Variants in CEP170 observed in about 807,000 individuals in gnomAD.
CEP170 encodes the protein centrosomal protein 170.
Under a neutral mutation model 151.9 loss-of-function variants are expected in CEP170, and 21 were observed. The ratio of observed to expected loss-of-function variants is 0.14; its 90% CI spans 0.10 to 0.20. The LOEUF (loss-of-function observed/expected upper bound fraction) is 0.20. CEP170 is among the 10% of genes least tolerant of loss of function. The pLI, the probability that CEP170 is intolerant of heterozygous loss-of-function variation, is 1.00. For missense variants in CEP170, 964 were observed against 1,892.9 expected (o/e 0.51, Z 9.11); for synonymous variants, 356 against 648.8 (o/e 0.55, Z 6.86).
intron 14 of CEP170, among the ~76,000 whole-genome samples, chr1:243,150,621 T>C (rs565129101): frequency 1.3e-5 from 2 of 152,196 alleles, no homozygotes; most frequent in Non-Finnish European, 2.9e-5. Context: ...TTTTATAAAC[T>C]GTAGAATGTA....
intron 4 of CEP170, among the ~76,000 whole-genome samples, chr1:243,203,259 A>T (rs1164226191): frequency 1.3e-5 from 2 of 152,218 alleles, no homozygotes; most frequent in Non-Finnish European, 2.9e-5. Context: ...GATATCAGTA[A>T]GTTATAAAAA....
intron 10 of CEP170, among the ~76,000 whole-genome samples, chr1:243,175,613 A>ATAAT (rs1246536622): frequency 3.9e-5 from 6 of 152,318 alleles, no homozygotes; most frequent in African/African-American, 1.4e-4. Context: ...AAAAGAGCTG[A>ATAAT]TAATTGTACA....
chr1:243,221,696 C>T (rs2062832524), intron 3 of CEP170, 28 bp downstream of exon 3: 1 of 1,576,300 alleles, frequency 6.3e-7, no homozygotes, highest in African/African-American at 1.4e-5. Context: ...AATGTTCAAA[C>T]AAGACAAAAA....
intron 4 of CEP170, among the ~76,000 whole-genome samples, chr1:243,203,780 T>G (rs529965837): frequency 6.6e-6 from 1 of 152,124 alleles, no homozygotes; most frequent in Non-Finnish European, 1.5e-5. Context: ...TTTTCCCTCA[T>G]TTAACAACAA....
chr1:243,238,553 A>G (rs1398970212), intron 1 of CEP170, among the ~76,000 whole-genome samples: 3 of 152,232 alleles, frequency 2.0e-5, no homozygotes, highest in Non-Finnish European at 4.4e-5. Context: ...GATTATTGGT[A>G]TTAATAGCCA....
chr1:243,186,231 A>G (rs1007566471), intron 9 of CEP170, 28 bp downstream of exon 9: 1 of 1,613,750 alleles, frequency 6.2e-7, no homozygotes, highest in African/African-American at 1.3e-5. Flanking sequence ...TCATCAAAGA[A>G]TGCAATCATA....
chr1:243,168,207 A>T (rs1352132429), intron 12 of CEP170: 1 of 152,026 alleles, frequency 6.6e-6, no homozygotes, highest in African/African-American at 2.4e-5. Flanking sequence ...TTCTAATATA[A>T]ATAAATGACG....
At chr1:243,246,163 C>G (rs2065371474) in intron 1 of CEP170, among the ~76,000 whole-genome samples, 2 of 146,354 alleles carry the variant, frequency 1.4e-5, no homozygotes, top group Admixed American at 6.9e-5. Context: ...TTGTTGAAAT[C>G]AAAGAAAAAC....
chr1:243,148,750 A>G (rs1230690546), intron 14 of CEP170, among the ~76,000 whole-genome samples: 1 of 152,146 alleles, frequency 6.6e-6, no homozygotes, highest in African/African-American at 2.4e-5. Context: ...AAGAAGGTTC[A>G]CAAAAAAAAG....
intron 1 of CEP170, among the ~76,000 whole-genome samples, chr1:243,230,155 A>G (rs1235971699): frequency 6.6e-6 from 1 of 152,058 alleles, no homozygotes. Flanking sequence ...ATTCAAGACC[A>G]GCCTGGGCAA....
chr1:243,220,627 G>T (rs1435328069), intron 3 of CEP170, among the ~76,000 whole-genome samples: 1 of 152,138 alleles, frequency 6.6e-6, no homozygotes, highest in African/African-American at 2.4e-5. Flanking sequence ...CATTTGAAAA[G>T]CATGAATAGT....
In CEP170 at chr1:243,165,936, G is replaced by C; in HGVS notation, c.2024C>G (p.Thr675Arg). The change falls in exon 13 of 20, where the codon ACA becomes AGA. Residue 675 changes from threonine to arginine, a missense_variant. Coordinates refer to ENST00000366542, the MANE Select transcript of CEP170 (RefSeq NM_014812.3). ...QRSEIGEKQD[T>R]ELQEKETPTQ... ...AGGTGTTTCTTTCTCCTGAAGTTCT[G>C]TGTCTTGTTTTTCTCCTATCTCTGA... 1 of 1,613,692 alleles carries C rather than the reference G, an allele frequency of 6.2e-7. No individual in the cohort carries two copies. Among genetic ancestry groups the C allele is most frequent in the Non-Finnish European group, 8.5e-7 (1 of 1,179,708 alleles).
chr1:243,130,076 G>C (rs2054218332), intron 17 of CEP170, among the ~76,000 whole-genome samples: 1 of 152,042 alleles, frequency 6.6e-6, no homozygotes, highest in Non-Finnish European at 1.5e-5. Flanking sequence ...GGGTATCTTG[G>C]AACAACATGT....
rs545273137 is a variant in CEP170 at position 243,142,777 on chromosome 1, G to T, written c.3912-314C>A. On this transcript the variant is annotated intron_variant, in intron 14 of 19. Transcript: ENST00000366542. The stretch of plus-strand genomic sequence containing the variant: ...ACATCACAGGGGTCTTAAACTTGGG[G>T]AATAATGGATAGAATTCAAGCAGTT... Among the ~76,000 whole-genome samples the T allele has an allele frequency of 9.4e-4, 143 of 152,218 alleles. 1 individual carries two copies. Among genetic ancestry groups the T allele is most frequent in the African/African-American group, 3.3e-3 (136 of 41,538 alleles).
intron 3 of CEP170, among the ~76,000 whole-genome samples, chr1:243,216,912 C>G (rs1014977641): frequency 6.6e-6 from 1 of 152,138 alleles, no homozygotes; most frequent in Non-Finnish European, 1.5e-5. Flanking sequence ...CTAAAGTATT[C>G]GGAGGATACA....
At chr1:243,182,042 G>A (rs1388700846) in intron 10 of CEP170, among the ~76,000 whole-genome samples, 1 of 152,154 alleles carries the variant, frequency 6.6e-6, no homozygotes, top group African/African-American at 2.4e-5. Context: ...GAGGCCTAAT[G>A]GGAGGTGTTT....
At chr1:243,160,305 A>G (rs1421212303) in intron 13 of CEP170, among the ~76,000 whole-genome samples, 1 of 152,300 alleles carries the variant, frequency 6.6e-6, no homozygotes, top group East Asian at 1.9e-4. Flanking sequence ...GCCTATCTCT[A>G]AGAGACTTAT....
chr1:243,202,359 A>G (rs1199760582), intron 4 of CEP170, among the ~76,000 whole-genome samples: 4 of 152,114 alleles, frequency 2.6e-5, no homozygotes, highest in Non-Finnish European at 5.9e-5. Context: ...TACAGTGTAT[A>G]CTACTCAGGT....
intron 1 of CEP170, among the ~76,000 whole-genome samples, chr1:243,243,439 G>C (rs1458934357): frequency 6.6e-6 from 1 of 152,070 alleles, no homozygotes; most frequent in Non-Finnish European, 1.5e-5. Flanking sequence ...AACAATATAA[G>C]CTTCCCTAAA....
Sources: gnomAD v4.1 joint callset for allele counts (sites outside exome capture counted in the v4.1 genomes callset) on GRCh38, gnomAD v4.1.1 for gene constraint, MANE v1.5 for transcripts, NCBI Gene and HGNC (gene_info 2026-07-23, HGNC 2026-07-21) for gene names.